SH3GL3: variants seen among roughly 807,000 people sequenced by gnomAD.
The protein encoded by SH3GL3 is SH3 domain containing GRB2 like 3, endophilin A3, also known as endophilin-A3.
In SH3GL3, 33 loss-of-function variants were observed where a neutral mutation model predicts 47.7. The ratio of observed to expected loss-of-function variants is 0.69; its 90% CI spans 0.52 to 0.92. SH3GL3 has a LOEUF of 0.92. Among genes scored for constraint, SH3GL3 ranks in the 40% least tolerant of loss-of-function variants. SH3GL3 has a pLI of 0.00. For missense variants in SH3GL3, 363 were observed against 417.8 expected (o/e 0.87, Z 1.14); for synonymous variants, 155 against 148.8 (o/e 1.04, Z -0.30).
intron 5 of SH3GL3, among the ~76,000 whole-genome samples, chr15:83,574,563 A>G (rs1174254386): frequency 6.6e-6 from 1 of 152,008 alleles, no homozygotes; most frequent in Admixed American, 6.6e-5. Flanking sequence ...CTGGTGTCAC[A>G]TCTCACTCCC....
At chr15:83,501,868 G>A (rs1357425980) in intron 1 of SH3GL3, among the ~76,000 whole-genome samples, 3 of 152,166 alleles carry the variant, frequency 2.0e-5, no homozygotes, top group African/African-American at 7.2e-5. Context: ...TCCAGCCTGG[G>A]CGACAGAGTG....
chr15:83,541,312 ATTTTTTTT>A (rs71156085), intron 1 of SH3GL3, among the ~76,000 whole-genome samples: 600 of 47,336 alleles, frequency 0.013, 26 homozygotes, highest in African/African-American at 0.03. Context: ...TGGTAATTCT[ATTTTTTTT>A]TTTTTTTTTT....
chr15:83,458,088 T>C (rs944333401), intron 1 of SH3GL3, among the ~76,000 whole-genome samples: 2 of 152,350 alleles, frequency 1.3e-5, no homozygotes, highest in Admixed American at 1.3e-4. Context: ...GCCCAGAAGA[T>C]AGAACTGTCA....
chr15:83,554,451 G>C (rs2044837821), intron 1 of SH3GL3, among the ~76,000 whole-genome samples: 1 of 152,114 alleles, frequency 6.6e-6, no homozygotes, highest in South Asian at 2.1e-4. Context: ...CTCCCAAACT[G>C]TTGGGATTAC....
In SH3GL3 at chr15:83,598,792, G is replaced by A. The variant is rs779646446; in HGVS notation, c.838+10021G>A. Among the ~76,000 whole-genome samples the A allele has an allele frequency of 1.2e-4, 18 of 152,088 alleles. 1 individual carries two copies. The highest frequency in any genetic ancestry group is 2.1e-4 in the Non-Finnish European group (14 of 68,028). ...ATTTTAACAGAGAGGAGAGGCCTCC[G>A]GTTAAAAGTCATTTACAGACTACAG... On this transcript the variant is annotated intron_variant, in intron 8 of 8. Transcript: ENST00000427482.
In SH3GL3 at chr15:83,618,355, C is replaced by T. The variant is rs957450177; in HGVS notation, c.*68C>T. 4.2e-5 allele frequency: 42 copies of T among 996,224 alleles called. No individual in the cohort carries two copies. The highest frequency in any genetic ancestry group is 5.3e-5 in the South Asian group (4 of 75,750). The allele number at this position is 996,224 out of a possible 1,614,324, so 61.7% of individuals were successfully genotyped here. A position where few individuals can be genotyped will look rare whatever the true frequency, so the allele number is the denominator to read the frequency against. The stretch of plus-strand genomic sequence containing the variant: ...AATTCACACCAGTGTGCTCTCAGTG[C>T]GGTGTTCTGTGACATCCTTTGCTCT... On this transcript the variant is annotated 3_prime_UTR_variant, in exon 9 of 9. Transcript: ENST00000427482.
At chr15:83,578,190 G>A (rs1247489529) in intron 6 of SH3GL3, among the ~76,000 whole-genome samples, 1 of 152,182 alleles carries the variant, frequency 6.6e-6, no homozygotes, top group African/African-American at 2.4e-5. Flanking sequence ...GCAACACGCA[G>A]CTGGGGGTGG....
At chr15:83,541,373 G>A (rs2044159508) in intron 1 of SH3GL3, among the ~76,000 whole-genome samples, 1 of 110,028 alleles carries the variant, frequency 9.1e-6, no homozygotes, top group Non-Finnish European at 1.7e-5. Context: ...TCGCTCTGTC[G>A]CCCAGGCTGG....
chr15:83,529,705 G>A (rs1355886337), intron 1 of SH3GL3, among the ~76,000 whole-genome samples: 1 of 148,354 alleles, frequency 6.7e-6, no homozygotes, highest in Non-Finnish European at 1.5e-5. Flanking sequence ...CATCCCTGCT[G>A]CTCAGTGGGT....
At chr15:83,610,172 G>A (rs759766223) in intron 8 of SH3GL3, among the ~76,000 whole-genome samples, 22 of 152,216 alleles carry the variant, frequency 1.4e-4, no homozygotes, top group Non-Finnish European at 2.6e-4. Context: ...GGTATGCTGA[G>A]CTGAGGACCC....
chr15:83,536,360 A>ACAT (rs905961537), intron 1 of SH3GL3, among the ~76,000 whole-genome samples: 2 of 150,086 alleles, frequency 1.3e-5, no homozygotes, highest in African/African-American at 2.5e-5. Flanking sequence ...TTGTGCTGGG[A>ACAT]CATTTCCTTG....
intron 8 of SH3GL3, among the ~76,000 whole-genome samples, chr15:83,604,314 G>A (rs2060462772): frequency 6.6e-6 from 1 of 152,140 alleles, no homozygotes; most frequent in African/African-American, 2.4e-5. Context: ...TTTCCAGCTT[G>A]CACCCGAGTA....
chr15:83,618,196 T>C lies in SH3GL3; in HGVS notation c.953T>C (p.Ile318Thr), dbSNP rs2060879698. Residue 318 changes from isoleucine (I) to threonine (T), a missense_variant, in exon 9 of 9, where the codon ATA (isoleucine) becomes ACA (threonine). Coordinates refer to ENST00000427482, the MANE Select transcript of SH3GL3 (RefSeq NM_003027.5). ...EGDIITLTNQ[I>T]DENWYEGMIH... is the part of the protein sequence containing the mutation. ...GACATCATTACATTAACCAATCAAATAGATGAAAACTGGTATGAAGGAATG... is the reference window on the plus strand; with the variant it reads ...GACATCATTACATTAACCAATCAAACAGATGAAAACTGGTATGAAGGAATG... The C allele has an allele frequency of 6.2e-7, 1 of 1,609,902 alleles. No homozygotes were observed. Among genetic ancestry groups the C allele is most frequent in the Admixed American group, 1.7e-5 (1 of 60,016 alleles).
intron 1 of SH3GL3, among the ~76,000 whole-genome samples, chr15:83,449,822 G>T (rs541848830): frequency 6.6e-6 from 1 of 150,810 alleles, no homozygotes; most frequent in Non-Finnish European, 1.5e-5. Context: ...GTGGTTAAAA[G>T]TACTCAGTAG....
At chr15:83,563,454 C>T (rs1455669526) in intron 2 of SH3GL3, among the ~76,000 whole-genome samples, 1 of 152,170 alleles carries the variant, frequency 6.6e-6, no homozygotes, top group Non-Finnish European at 1.5e-5. Context: ...CTCCCTTGAT[C>T]TCCAAAAACG....
At chr15:83,532,315 T>A (rs2043712805) in intron 1 of SH3GL3, among the ~76,000 whole-genome samples, 1 of 152,174 alleles carries the variant, frequency 6.6e-6, no homozygotes, top group Non-Finnish European at 1.5e-5. Flanking sequence ...GATTAACGAG[T>A]TCATGGTAAT....
Position 83,588,741 on chromosome 15 carries a change from G to A in SH3GL3, c.808G>A (p.Val270Ile), listed in dbSNP as rs117673766. Reference sequence around the variant, plus strand: ...AAGGAGTTCTAGTGAGCTCAATGGAGTTTCCACCACCTCTGTAGTGAAGAC... The same window carrying A: ...AAGGAGTTCTAGTGAGCTCAATGGAATTTCCACCACCTCTGTAGTGAAGAC... ...VKRSSSELNG[V>I]STTSVVKTTG... is the part of the protein sequence containing the mutation. The change falls in exon 8 of 9, where the codon GTT (valine) becomes ATT (isoleucine). Residue 270 changes from valine (V) to isoleucine (I), a missense_variant. Val to Ile is a conservative substitution (Grantham distance 29). Coordinates refer to ENST00000427482, the MANE Select transcript of SH3GL3 (RefSeq NM_003027.5). The A allele has an allele frequency of 5.4e-3, 8,607 of 1,608,456 alleles. 29 individuals carry two copies. The highest frequency in any genetic ancestry group is 6.1e-3 in the Non-Finnish European group (7,113 of 1,174,840).
Position 83,559,330 on chromosome 15 carries a change from A to G in SH3GL3, c.114+9A>G. The G allele has an allele frequency of 6.9e-7, 1 of 1,448,534 alleles. No individual in the cohort carries two copies. Among genetic ancestry groups the G allele is most frequent in the South Asian group, 1.1e-5 (1 of 87,666 alleles). 89.7% of individuals were successfully genotyped at this position (1,448,534 alleles called of 1,614,324 possible). ...TTCTTGACATGGAAAGGGTAAGAGC[A>G]TTTTAATATGTAAATTGATTAGAAA... On this transcript the variant is annotated intron_variant, in intron 2 of 8. Transcript: ENST00000427482.
chr15:83,492,108 C>A (rs953062665), intron 1 of SH3GL3, among the ~76,000 whole-genome samples: 2 of 151,920 alleles, frequency 1.3e-5, no homozygotes, highest in Non-Finnish European at 2.9e-5. Context: ...CATGGTGAAA[C>A]CCCGTCTCTA....
Sources: gnomAD v4.1 joint callset for allele counts (sites outside exome capture counted in the v4.1 genomes callset) on GRCh38, gnomAD v4.1.1 for gene constraint, MANE v1.5 for transcripts, NCBI Gene and HGNC (gene_info 2026-07-23, HGNC 2026-07-21) for gene names.